The following GRM1 variants were observed in gnomAD, a reference collection of about 807,000 sequenced individuals.
GRM1 encodes metabotropic glutamate receptor 1.
Under a neutral mutation model 90.9 loss-of-function variants are expected in GRM1, and 33 were observed. That is an observed-to-expected ratio of 0.36 (90% CI 0.28 to 0.49). The LOEUF is 0.49. GRM1 is among the 20% of genes least tolerant of loss of function. The pLI, the probability that GRM1 is intolerant of heterozygous loss-of-function variation, is 0.99. For missense variants in GRM1, 1,190 were observed against 1,534.3 expected (o/e 0.78, Z 3.75); for synonymous variants, 700 against 613.2 (o/e 1.14, Z -2.09).
chr6:146,173,010 T>G (rs1778194200), intron 2 of GRM1, among the ~76,000 whole-genome samples: 5 of 152,146 alleles, frequency 3.3e-5, no homozygotes, highest in Admixed American at 3.3e-4. Context: ...AGCGAATGAC[T>G]GGCTGGGTAA....
intron 1 of GRM1, among the ~76,000 whole-genome samples, chr6:146,099,630 C>G (rs947329861): frequency 6.6e-6 from 1 of 152,114 alleles, no homozygotes; most frequent in African/African-American, 2.4e-5. Flanking sequence ...TGTTTTTGAA[C>G]TTTATATAAG....
chr6:146,236,187 G>C (rs1197567491), intron 2 of GRM1, among the ~76,000 whole-genome samples: 1 of 151,996 alleles, frequency 6.6e-6, no homozygotes, highest in Non-Finnish European at 1.5e-5. Flanking sequence ...TAGTAGTGTT[G>C]TTTTCAAAAG....
At chr6:146,126,838 G>T (rs1776216458) in intron 1 of GRM1, among the ~76,000 whole-genome samples, 1 of 152,130 alleles carries the variant, frequency 6.6e-6, no homozygotes, top group South Asian at 2.1e-4. Context: ...TCAAACTAAT[G>T]CAATAACCCT....
chr6:146,201,990 C>G (rs149987756), intron 2 of GRM1, among the ~76,000 whole-genome samples: 3 of 152,134 alleles, frequency 2.0e-5, no homozygotes, highest in African/African-American at 7.2e-5. Context: ...CATGACTTAG[C>G]AGGTTATTGT....
intron 2 of GRM1, among the ~76,000 whole-genome samples, chr6:146,288,645 A>G (rs1333086987): frequency 6.6e-6 from 1 of 152,064 alleles, no homozygotes; most frequent in Non-Finnish European, 1.5e-5. Flanking sequence ...AGCTGGGATT[A>G]CAGGTGTCAG....
intron 2 of GRM1, among the ~76,000 whole-genome samples, chr6:146,220,424 G>T (rs1780021597): frequency 6.6e-6 from 1 of 152,046 alleles, no homozygotes; most frequent in Admixed American, 6.6e-5. Flanking sequence ...AAAAACATTA[G>T]TCTGAAAAGT....
Position 146,434,182 on chromosome 6 carries a change from C to T in GRM1, c.2971C>T (p.Leu991=). 6.2e-7 allele frequency: 1 copy of T among 1,613,478 alleles called. No homozygotes were observed. Among genetic ancestry groups the T allele is most frequent in the Non-Finnish European group, 8.5e-7 (1 of 1,179,480 alleles). The change falls in exon 8 of 8, where the codon CTG becomes TTG. Residue 991 remains leucine, a synonymous_variant. Transcript: ENST00000282753. ...RVPSAATTPP[L]PSHLTAEETP... is the part of the protein sequence containing the mutation. ...GCCAAGCGCGGCGACCACTCCGCCT[C>T]TGCCGTCCCACCTGACCGCAGAGGA...
At chr6:146,085,932 GTTTA>G (rs1776527627) in intron 1 of GRM1, among the ~76,000 whole-genome samples, 2 of 152,042 alleles carry the variant, frequency 1.3e-5, no homozygotes, top group Non-Finnish European at 2.9e-5. Context: ...GAATTTGTGA[GTTTA>G]TTTAATAGAA....
At chr6:146,229,351 A>C (rs1013639543) in intron 2 of GRM1, among the ~76,000 whole-genome samples, 3 of 150,096 alleles carry the variant, frequency 2.0e-5, no homozygotes, top group African/African-American at 7.4e-5. Context: ...TTGGTCTGTA[A>C]AATTAAAAGG....
At chr6:146,274,152 A>T (rs146449979) in intron 2 of GRM1, among the ~76,000 whole-genome samples, 2 of 148,306 alleles carry the variant, frequency 1.3e-5, no homozygotes, top group African/African-American at 5.3e-5. Context: ...AAGCCATTCA[A>T]AGAGGAACCA....
At chr6:146,112,441 T>C (rs1017902905) in intron 1 of GRM1, among the ~76,000 whole-genome samples, 1 of 152,164 alleles carries the variant, frequency 6.6e-6, no homozygotes, top group Non-Finnish European at 1.5e-5. Flanking sequence ...ATACATACTG[T>C]TACTTAGATT....
At chr6:146,196,463 ATT>A (rs772811053) in intron 2 of GRM1, among the ~76,000 whole-genome samples, 8 of 85,968 alleles carry the variant, frequency 9.3e-5, no homozygotes, top group Non-Finnish European at 6.9e-5. Context: ...AATTTTTTGT[ATT>A]TTTTTTTTTT....
In GRM1 at chr6:146,266,201, A is replaced by G. The variant is rs570055239; in HGVS notation, c.951-38410A>G. The stretch of plus-strand genomic sequence containing the variant: ...AGACTCTGTCTTAAAAAAAAAATAC[A>G]TATTAGAGAGTTAACTTTTAAAACT... On this transcript the variant is annotated intron_variant, in intron 2 of 7. Transcript: ENST00000282753. 1.2e-4 allele frequency among the ~76,000 whole-genome samples: 18 copies of G among 152,296 alleles called. No homozygotes were observed. In the East Asian group the frequency reaches 2.5e-3, roughly 21 times the overall value.
chr6:146,302,478 C>T (rs975186870), intron 2 of GRM1, among the ~76,000 whole-genome samples: 8 of 151,400 alleles, frequency 5.3e-5, no homozygotes, highest in Non-Finnish European at 1.0e-4. Context: ...CTCACAGGAT[C>T]CTCCCACCTC....
intron 2 of GRM1, among the ~76,000 whole-genome samples, chr6:146,249,736 C>T (rs1209284252): frequency 6.6e-6 from 1 of 152,104 alleles, no homozygotes; most frequent in East Asian, 1.9e-4. Flanking sequence ...AGAAGAGGGC[C>T]ACCATCCTCC....
chr6:146,124,634 T>G (rs1344051221), intron 1 of GRM1, among the ~76,000 whole-genome samples: 1 of 152,182 alleles, frequency 6.6e-6, no homozygotes, highest in East Asian at 1.9e-4. Flanking sequence ...TATACTACAA[T>G]ATGGTACAAC....
chr6:146,249,412 G>C (rs1292158436), intron 2 of GRM1, among the ~76,000 whole-genome samples: 1 of 152,088 alleles, frequency 6.6e-6, no homozygotes, highest in African/African-American at 2.4e-5. Flanking sequence ...CATCCCCGCG[G>C]TTCCAGCTCA....
chr6:146,162,632 T>A (rs528031729), intron 2 of GRM1, among the ~76,000 whole-genome samples: 5 of 152,284 alleles, frequency 3.3e-5, no homozygotes, highest in Admixed American at 3.3e-4. Context: ...TGCCTTAAAA[T>A]GACCCCCTAT....
Position 146,139,894 on chromosome 6 carries a change from T to C in GRM1, c.701-19454T>C, listed in dbSNP as rs1213315037. On this transcript the variant is annotated intron_variant, in intron 1 of 7. Coordinates refer to ENST00000282753, the MANE Select transcript of GRM1 (RefSeq NM_001278064.2). Reference sequence around the variant, plus strand: ...TTTGTTCCCTTCCCTTCCCTTCCCTTCCCTTCCCTTCCCTTCCCTTCCCTC... The same window carrying C: ...TTTGTTCCCTTCCCTTCCCTTCCCTCCCCTTCCCTTCCCTTCCCTTCCCTC... Among the ~76,000 whole-genome samples the C allele has an allele frequency of 2.3e-4, 26 of 112,038 alleles. 1 individual carries two copies. The highest frequency in any genetic ancestry group is 7.3e-5 in the Non-Finnish European group (4 of 54,856). The allele number at this position is 112,038 out of a possible 152,430, so 73.5% of individuals were successfully genotyped here.
Sources: gnomAD v4.1 joint callset for allele counts (sites outside exome capture counted in the v4.1 genomes callset) on GRCh38, gnomAD v4.1.1 for gene constraint, MANE v1.5 for transcripts, NCBI Gene and HGNC (gene_info 2026-07-23, HGNC 2026-07-21) for gene names.